The following ADAP1 variants were observed in gnomAD, a reference collection of about 807,000 sequenced individuals.
The protein encoded by ADAP1 is arf-GAP with dual PH domain-containing protein 1.
ADAP1 carries 31 observed loss-of-function variants against 54.9 expected under a neutral mutation model. That is an observed-to-expected ratio of 0.56 (90% CI 0.42 to 0.76). ADAP1 has a LOEUF of 0.76. ADAP1 is among the 30% of genes least tolerant of loss of function. The pLI is 0.00. For synonymous variants in ADAP1, 313 were observed against 202.6 expected, an observed-to-expected ratio of 1.55 and a Z score of -4.63; for missense variants, 535 against 512.4, an observed-to-expected ratio of 1.04 and a Z score of -0.42.
chr7:946,722 C>T lies in ADAP1; in HGVS notation c.82+7674G>A, dbSNP rs539027549. 2.0e-3 allele frequency among the ~76,000 whole-genome samples: 298 copies of T among 152,374 alleles called. 1 individual carries two copies. Among genetic ancestry groups the T allele is most frequent in the African/African-American group, 6.8e-3 (282 of 41,596 alleles). On this transcript the variant is annotated intron_variant, in intron 1 of 10. Transcript: ENST00000265846. This position sits in a 1 kb window ranked among gnomAD's most constrained non-coding sequence, Gnocchi z 4.3. Reference sequence around the variant, plus strand: ...GCTCTTCAGGGCCCTCGCACAGGGCCGACTCCTCTGCGGCCCATCTGGTCT... The same window carrying T: ...GCTCTTCAGGGCCCTCGCACAGGGCTGACTCCTCTGCGGCCCATCTGGTCT...
rs1845255296 is a variant in ADAP1, at chr7:905,919, A to AAGGGAG, written c.389-748_389-747insCTCCCT. Among the ~76,000 whole-genome samples, 16 of 2,390 alleles carry AAGGGAG rather than the reference A, an allele frequency of 6.7e-3. 3 individuals are homozygous for AAGGGAG. The highest frequency in any genetic ancestry group is 0.025 in the Non-Finnish European group (11 of 432). 1.6% of individuals were successfully genotyped at this position (2,390 alleles called of 152,430 possible). On this transcript the variant is annotated intron_variant, in intron 4 of 10. Transcript: ENST00000265846. Reference sequence around the variant, plus strand: ...AGGAGAAAGGAGAAAGGGAAAGGAGAAAGGGAGAAAGGAGAAAGGGAGAAA... The same window carrying AAGGGAG: ...AGGAGAAAGGAGAAAGGGAAAGGAGAAGGGAGAAGGGAGAAAGGAGAAAGGGAGAAA...
rs1562915265 is a variant in ADAP1 at position 906,700 on chromosome 7, C to A, written c.389-1528G>T. 5.7e-3 allele frequency among the ~76,000 whole-genome samples: 145 copies of A among 25,326 alleles called. 5 individuals are homozygous for A. Among genetic ancestry groups the A allele is most frequent in the East Asian group, 0.038 (8 of 212 alleles). The allele number at this position is 25,326 out of a possible 152,430, so 16.6% of individuals were successfully genotyped here. Reference sequence around the variant, plus strand: ...GGACAGGGGACACGGGGGACATGGACATGGGGGACGGGACATCGGGGACGG... The same window carrying A: ...GGACAGGGGACACGGGGGACATGGAAATGGGGGACGGGACATCGGGGACGG... On this transcript the variant is annotated intron_variant, in intron 4 of 10. Transcript: ENST00000265846.
At chr7:906,599 GGGAGAAAGGGAGAAAGGGAAA>G (rs1845381684) in intron 4 of ADAP1, among the ~76,000 whole-genome samples, 2 of 1,536 alleles carry the variant, frequency 1.3e-3, no homozygotes, top group Non-Finnish European at 2.7e-3. Context: ...GAAAGGAGAA[GGGAGAAAGGGAGAAAGGGAAA>G]GGAGAAAGGA....
At chr7:932,917 G>C (rs1846629588) in intron 2 of ADAP1, among the ~76,000 whole-genome samples, 1 of 152,158 alleles carries the variant, frequency 6.6e-6, no homozygotes, top group Admixed American at 6.5e-5. Context: ...CTGTCCTTGG[G>C]TCTTTTTCTG....
intron 6 of ADAP1, chr7:901,280 T>G (rs1049749071): frequency 1.2e-5 from 4 of 343,688 alleles, no homozygotes; most frequent in African/African-American, 8.6e-5. Context: ...CCAGCGCCCC[T>G]CCTGGGGTCT....
At position 911,030 on chromosome 7, in the gene ADAP1, C is replaced by T. The variant is rs1164558336; in HGVS notation, c.389-5858G>A. ...TCTCCCTGCCTGGCCCGTCCACCCA[C>T]GCTCTCCGACCCATTAATGCACCTT... On this transcript the variant is annotated intron_variant, in intron 4 of 10. Transcript: ENST00000265846. Among the ~76,000 whole-genome samples the T allele has an allele frequency of 3.3e-5, 5 of 152,206 alleles. No homozygotes were observed. The East Asian group carries it at 7.7e-4, about 23-fold the overall frequency.
At chr7:910,567 A>AT (rs1392823831) in intron 4 of ADAP1, among the ~76,000 whole-genome samples, 4 of 152,148 alleles carry the variant, frequency 2.6e-5, no homozygotes, top group Non-Finnish European at 4.4e-5. Context: ...TGGGTCTTGG[A>AT]TTTGTCAGAG....
In ADAP1 at chr7:898,989, G is replaced by C. The variant is rs549287856; in HGVS notation, c.1097-40C>G. On this transcript the variant is annotated intron_variant, in intron 10 of 10. Coordinates refer to ENST00000265846, the MANE Select transcript of ADAP1 (RefSeq NM_006869.4). Reference sequence around the variant, plus strand: ...GGTCCAGCGTTGTCACAGCGGCGGGGAGCTGGGAGCCCTTCCAGGCCGCCG... The same window carrying C: ...GGTCCAGCGTTGTCACAGCGGCGGGCAGCTGGGAGCCCTTCCAGGCCGCCG... The C allele has an allele frequency of 9.3e-6, 15 of 1,610,242 alleles. No individual in the cohort carries two copies. The South Asian group carries it at 1.3e-4, about 14-fold the overall frequency.
chr7:928,257 T>A (rs1846453635), intron 2 of ADAP1, among the ~76,000 whole-genome samples: 1 of 151,632 alleles, frequency 6.6e-6, no homozygotes, highest in Non-Finnish European at 1.5e-5. Flanking sequence ...ATCCCAGCAC[T>A]TTGGGAGGCC....
In ADAP1 at chr7:898,962, A is replaced by G. The variant is rs751844487; in HGVS notation, c.1097-13T>C. 6.2e-7 allele frequency: 1 copy of G among 1,611,500 alleles called. No individual in the cohort carries two copies. The stretch of plus-strand genomic sequence containing the variant: ...AAGTGCGCCTCCACTGCAACGGAAC[A>G]GGGTCCAGCGTTGTCACAGCGGCGG... On this transcript the variant is annotated splice_polypyrimidine_tract_variant and intron_variant, in intron 10 of 10. Transcript: ENST00000265846.
intron 7 of ADAP1, 106 bp downstream of exon 7, chr7:900,427 A>T (rs1562905568): frequency 7.9e-7 from 1 of 1,267,502 alleles, no homozygotes; most frequent in Non-Finnish European, 1.1e-6. Context: ...TCCCAGGCCC[A>T]CCCTAGGGCT....
chr7:898,502 G>C lies in ADAP1; in HGVS notation c.*419C>G, dbSNP rs1844614560. 1 of 257,642 alleles carries C rather than the reference G, an allele frequency of 3.9e-6. No individual in the cohort carries two copies. Among genetic ancestry groups the C allele is most frequent in the Admixed American group, 4.9e-5 (1 of 20,534 alleles). The allele number at this position is 257,642 out of a possible 1,614,324, so 16.0% of individuals were successfully genotyped here. On this transcript the variant is annotated 3_prime_UTR_variant, in exon 11 of 11. Coordinates refer to ENST00000265846, the MANE Select transcript of ADAP1 (RefSeq NM_006869.4). Reference sequence around the variant, plus strand: ...GGGAGGGCGGGGCGGCATGCGAGCAGGGCCCAGTCCCCAGCGGCCGGCAGC... The same window carrying C: ...GGGAGGGCGGGGCGGCATGCGAGCACGGCCCAGTCCCCAGCGGCCGGCAGC...
intron 6 of ADAP1, chr7:901,216 C>T (rs1233822089): frequency 3.1e-5 from 11 of 358,368 alleles, no homozygotes; most frequent in Middle Eastern, 9.9e-4. Flanking sequence ...CCCAGCCCCA[C>T]GTCGGGTGCC....
chr7:932,847 G>A (rs956733987), intron 2 of ADAP1, among the ~76,000 whole-genome samples: 6 of 152,234 alleles, frequency 3.9e-5, no homozygotes, highest in Non-Finnish European at 8.8e-5. Flanking sequence ...GGGTGTGGGG[G>A]ATCACGGCAT....
In ADAP1 at chr7:933,501, AGTGGTGCTGGAGAGCCGGGGGCCGGGGG is replaced by A. The variant is rs1846651388; in HGVS notation, c.213+1846_213+1873del. On this transcript the variant is annotated intron_variant, in intron 2 of 10. Transcript: ENST00000265846. ...TGCTGGAGAGCCGGGGGCCGGGGTCAGTGGTGCTGGAGAGCCGGGGGCCGGGGGCCGGGGTCAGTGGTGCTGGAGAGCC... is the reference window on the plus strand; with the variant it reads ...TGCTGGAGAGCCGGGGGCCGGGGTCACCGGGGTCAGTGGTGCTGGAGAGCC... 8.7e-5 allele frequency among the ~76,000 whole-genome samples: 6 copies of A among 69,266 alleles called. No individual in the cohort carries two copies. The South Asian group carries it at 2.4e-3, about 28-fold the overall frequency. The allele number at this position is 69,266 out of a possible 152,430, so 45.4% of individuals were successfully genotyped here.
chr7:931,207 G>A (rs1462389452), intron 2 of ADAP1, among the ~76,000 whole-genome samples: 1 of 152,136 alleles, frequency 6.6e-6, no homozygotes, highest in Non-Finnish European at 1.5e-5. Flanking sequence ...TGGCCAGGGT[G>A]GGGACGGTGC....
intron 4 of ADAP1, among the ~76,000 whole-genome samples, chr7:915,510 C>T (rs891415987): frequency 6.6e-5 from 10 of 152,220 alleles, no homozygotes; most frequent in Non-Finnish European, 1.0e-4. Flanking sequence ...CCTTGGGCTC[C>T]GACCCTGCGA....
At position 899,233 on chromosome 7, in the gene ADAP1, A is replaced by G. The variant is rs1329528728; in HGVS notation, c.896T>C (p.Ile299Thr). Residue 299 changes from isoleucine (I) to threonine (T), a missense_variant, in exon 10 of 11, where the codon ATT (isoleucine) becomes ACT (threonine). Transcript: ENST00000265846. ...CGTGTAGCCACTCTCCTTGCTGCCA[A>G]TGAAGACTTCCCCTCGGGCGAAGGC... ...LDAFARGEVF[I>T]GSKESGYTVL... 4 of 1,612,780 alleles carry G rather than the reference A, an allele frequency of 2.5e-6. No individual in the cohort carries two copies. The highest frequency in any genetic ancestry group is 1.1e-5 in the South Asian group (1 of 91,082).
chr7:920,853 G>A lies in ADAP1; in HGVS notation c.306-803C>T, dbSNP rs1019934455. The A allele has an allele frequency of 1.3e-6, 2 of 1,550,172 alleles. No individual in the cohort carries two copies. Among genetic ancestry groups the A allele is most frequent in the Admixed American group, 3.9e-5 (2 of 50,984 alleles). ...GGCCCGGCACGGCCCAGGTGCACAG[G>A]CAGCCGCCCCAGCCTTTTCCACTCC... On this transcript the variant is annotated intron_variant, in intron 3 of 10. Transcript: ENST00000265846. The surrounding 1 kb of genome is among the most constrained non-coding windows in gnomAD (Gnocchi z 4.5).
Sources: gnomAD v4.1 joint callset for allele counts (sites outside exome capture counted in the v4.1 genomes callset) on GRCh38, gnomAD v4.1.1 for gene constraint, Gnocchi (gnomAD v3.1) non-coding constraint, MANE v1.5 for transcripts, NCBI Gene and HGNC (gene_info 2026-07-23, HGNC 2026-07-21) for gene names.